EXOC4: variants seen among roughly 807,000 people sequenced by gnomAD.
EXOC4 encodes the protein SEC8-like 1.
Under a neutral mutation model 107.2 loss-of-function variants are expected in EXOC4, and 71 were observed. That is an observed-to-expected ratio of 0.66 (90% CI 0.55 to 0.81). EXOC4 has a LOEUF of 0.81. Ranked by LOEUF, EXOC4 falls within the 30% of genes least tolerant of loss-of-function variation. The probability of loss-of-function intolerance (pLI) is 0.00; values close to 1 mark genes in which losing one functional copy is unlikely to be tolerated. For synonymous variants in EXOC4, 456 were observed against 441.2 expected, an observed-to-expected ratio of 1.03 and a Z score of -0.42; for missense variants, 1,108 against 1,189.6, an observed-to-expected ratio of 0.93 and a Z score of 1.01.
chr7:133,569,468 C>G (rs964102663), intron 9 of EXOC4, among the ~76,000 whole-genome samples: 3 of 152,100 alleles, frequency 2.0e-5, no homozygotes, highest in Admixed American at 1.3e-4. Flanking sequence ...ATGTTAGGTA[C>G]AAGCAGGCAG....
At chr7:133,777,665 C>T (rs1796375154) in intron 10 of EXOC4, among the ~76,000 whole-genome samples, 1 of 152,188 alleles carries the variant, frequency 6.6e-6, no homozygotes, top group Admixed American at 6.5e-5. Flanking sequence ...TGCAGACTAT[C>T]TGGGTTCAAA....
chr7:133,800,993 G>C (rs1029105532), intron 10 of EXOC4, among the ~76,000 whole-genome samples: 1 of 152,116 alleles, frequency 6.6e-6, no homozygotes, highest in Non-Finnish European at 1.5e-5. Context: ...TGAATAAAGG[G>C]ATACCCATGT....
intron 11 of EXOC4, among the ~76,000 whole-genome samples, chr7:133,833,551 C>A (rs527874907): frequency 4.6e-5 from 7 of 152,252 alleles, no homozygotes; most frequent in Non-Finnish European, 8.8e-5. Context: ...CCAGCTTGCA[C>A]ACTTTTGTTT....
At chr7:133,967,023 G>A (rs1801087031) in intron 14 of EXOC4, among the ~76,000 whole-genome samples, 1 of 152,084 alleles carries the variant, frequency 6.6e-6, no homozygotes, top group African/African-American at 2.4e-5. Context: ...GGTCTATTCA[G>A]GGCTTTGACT....
intron 9 of EXOC4, chr7:133,484,338 G>A (rs2150865972): frequency 1.2e-5 from 6 of 514,592 alleles, no homozygotes; most frequent in Non-Finnish European, 1.6e-5. Flanking sequence ...ACCAGGTGGA[G>A]ATCTAACTTG....
rs550568025 is a variant in EXOC4, at chr7:133,693,101, A to G, written c.1514+62960A>G. On this transcript the variant is annotated intron_variant, in intron 10 of 17. Transcript: ENST00000253861. ...GTAAGAAGTACTGAGTCACACGATC[A>G]TAAAGTGAAGTTCCACAATAAGCTG... Among the ~76,000 whole-genome samples, 6 of 152,322 alleles carry G rather than the reference A, an allele frequency of 3.9e-5. No homozygotes were observed. The East Asian group carries it at 9.7e-4, about 25-fold the overall frequency.
At chr7:134,094,556 T>G in the EXOC4 span, among the ~76,000 whole-genome samples, 2 of 152,040 alleles carry the variant, frequency 1.3e-5, no homozygotes, top group Non-Finnish European at 2.9e-5. Context: ...CCTCCCTAAC[T>G]CATTCTGTGA....
Position 133,819,375 on chromosome 7 carries a change from TATTA to T in EXOC4, c.1734+1839_1734+1842del, listed in dbSNP as rs1182091628. The stretch of plus-strand genomic sequence containing the variant: ...TCCTAACACTTATCACAACCCTAAT[TATTA>T]ATTAATTTTGCTAACTTGTATATTT... On this transcript the variant is annotated intron_variant, in intron 11 of 17. Coordinates refer to ENST00000253861, the MANE Select transcript of EXOC4 (RefSeq NM_021807.4). Among the ~76,000 whole-genome samples the T allele has an allele frequency of 2.0e-5, 3 of 151,862 alleles. No homozygotes were observed. In the East Asian group the frequency reaches 5.8e-4, roughly 30 times the overall value.
intron 15 of EXOC4, among the ~76,000 whole-genome samples, chr7:133,998,050 G>A (rs1794438435): frequency 6.6e-6 from 1 of 152,144 alleles, no homozygotes; most frequent in African/African-American, 2.4e-5. Context: ...TGCTATTGTG[G>A]TGACTTTATT....
intron 13 of EXOC4, among the ~76,000 whole-genome samples, chr7:133,931,529 C>T: frequency 6.6e-6 from 1 of 151,852 alleles, no homozygotes; most frequent in Non-Finnish European, 1.5e-5. Flanking sequence ...ATAATATAGG[C>T]AAAAGAACAA....
intron 9 of EXOC4, among the ~76,000 whole-genome samples, chr7:133,529,715 CGTT>C (rs1432371197): frequency 2.0e-5 from 3 of 152,096 alleles, no homozygotes; most frequent in Non-Finnish European, 2.9e-5. Flanking sequence ...TATGTGGCAT[CGTT>C]GTCTGCTTAT....
chr7:134,000,379 A>C (rs1216685131), intron 15 of EXOC4, among the ~76,000 whole-genome samples: 2 of 152,148 alleles, frequency 1.3e-5, no homozygotes, highest in Admixed American at 1.3e-4. Flanking sequence ...TGGGGGCGTG[A>C]CTGTGGTAGA....
Position 134,044,739 on chromosome 7 carries a change from G to A in EXOC4, c.2688-19552G>A, listed in dbSNP as rs115828708. Among the ~76,000 whole-genome samples, 439 of 152,308 alleles carry A rather than the reference G, an allele frequency of 2.9e-3. 1 individual carries two copies. Among genetic ancestry groups the A allele is most frequent in the African/African-American group, 9.9e-3 (413 of 41,576 alleles). ...CTGCACCTCAGTTTCCAGCTCCCCC[G>A]ATCCAATGCTGTTAATATGTTCTTG... On this transcript the variant is annotated intron_variant, in intron 17 of 17. Coordinates refer to ENST00000253861, the MANE Select transcript of EXOC4 (RefSeq NM_021807.4).
intron 11 of EXOC4, among the ~76,000 whole-genome samples, chr7:133,824,068 A>G (rs1797640349): frequency 1.3e-5 from 2 of 149,604 alleles, no homozygotes; most frequent in South Asian, 4.2e-4. Context: ...CAGCCATTTC[A>G]TTTGATAGCT....
intron 10 of EXOC4, among the ~76,000 whole-genome samples, chr7:133,811,847 A>G (rs1797239285): frequency 6.6e-6 from 1 of 152,230 alleles, no homozygotes; most frequent in Non-Finnish European, 1.5e-5. Flanking sequence ...ATTACATGCC[A>G]GATAGATTAT....
intron 13 of EXOC4, among the ~76,000 whole-genome samples, chr7:133,923,934 T>G (rs1452057561): frequency 6.6e-6 from 1 of 152,192 alleles, no homozygotes; most frequent in Admixed American, 6.5e-5. Context: ...TTCCTCTACC[T>G]GTTCTCTTCC....
At chr7:133,740,789 G>T (rs1005534030) in intron 10 of EXOC4, among the ~76,000 whole-genome samples, 2 of 152,144 alleles carry the variant, frequency 1.3e-5, no homozygotes, top group Admixed American at 1.3e-4. Context: ...TGATCCTCTA[G>T]GAATGATGGC....
intron 9 of EXOC4, among the ~76,000 whole-genome samples, chr7:133,600,861 A>G (rs370057435): frequency 6.6e-6 from 1 of 152,184 alleles, no homozygotes; most frequent in South Asian, 2.1e-4. Context: ...CTTTAGTCAG[A>G]CAGGAACTGA....
At chr7:133,285,860 A>G (rs941835060) in intron 2 of EXOC4, among the ~76,000 whole-genome samples, 1 of 151,490 alleles carries the variant, frequency 6.6e-6, no homozygotes, top group African/African-American at 2.4e-5. Context: ...CCTGGGCTCC[A>G]GTAATCCTAC....
Sources: allele counts gnomAD v4.1 joint callset (sites outside exome capture counted in the v4.1 genomes callset), GRCh38; gene constraint gnomAD v4.1.1; transcripts MANE v1.5; gene names NCBI Gene and HGNC (gene_info 2026-07-23, HGNC 2026-07-21).